UNC5D: variants seen among roughly 807,000 people sequenced by gnomAD.
UNC5D encodes netrin receptor UNC5D.
UNC5D carries 39 observed loss-of-function variants against 105.4 expected under a neutral mutation model. The observed-to-expected ratio is 0.37, with a 90% CI of 0.29 to 0.48. The LOEUF is 0.48. Ranked by LOEUF, UNC5D falls within the 20% of genes least tolerant of loss-of-function variation. The pLI, the probability that UNC5D is intolerant of heterozygous loss-of-function variation, is 0.98. For missense variants in UNC5D, 991 were observed against 1,202.4 expected (o/e 0.82, Z 2.60); for synonymous variants, 452 against 450.4 (o/e 1.00, Z -0.04).
chr8:35,753,786 C>A (rs1830394019), intron 13 of UNC5D, among the ~76,000 whole-genome samples: 1 of 152,174 alleles, frequency 6.6e-6, no homozygotes, highest in African/African-American at 2.4e-5. Flanking sequence ...GAAAGATCAT[C>A]AACCTTGCTT....
chr8:35,512,412 A>G (rs1812770743), intron 1 of UNC5D, among the ~76,000 whole-genome samples: 1 of 136,624 alleles, frequency 7.3e-6, no homozygotes, highest in Non-Finnish European at 1.5e-5. Context: ...GCTACTCAGG[A>G]GGCTGAGGCA....
intron 8 of UNC5D, among the ~76,000 whole-genome samples, chr8:35,718,912 C>T (rs1245112411): frequency 6.6e-6 from 1 of 152,016 alleles, no homozygotes; most frequent in African/African-American, 2.4e-5. Flanking sequence ...ATTACAATTG[C>T]ACTTGGGATG....
chr8:35,623,462 CCT>C (rs2131039301), intron 4 of UNC5D, among the ~76,000 whole-genome samples: 1 of 152,252 alleles, frequency 6.6e-6, no homozygotes, highest in African/African-American at 2.4e-5. Context: ...TTTCTCCCTT[CCT>C]CTCTTTTCAG....
At chr8:35,462,612 G>A (rs948383273) in intron 1 of UNC5D, among the ~76,000 whole-genome samples, 6 of 152,030 alleles carry the variant, frequency 3.9e-5, no homozygotes, top group Non-Finnish European at 8.8e-5. Context: ...ATAATATTAT[G>A]GGACTAATTT....
Position 35,323,188 on chromosome 8 carries a change from CTTTTT to C in UNC5D, c.103+87316_103+87320del, listed in dbSNP as rs67076001. 2.4e-5 allele frequency among the ~76,000 whole-genome samples: 3 copies of C among 125,944 alleles called. No individual in the cohort carries two copies. The East Asian group carries it at 7.0e-4, about 30-fold the overall frequency. 82.6% of individuals were successfully genotyped at this position (125,944 alleles called of 152,430 possible). A position where few individuals can be genotyped will look rare whatever the true frequency, so the allele number is the denominator to read the frequency against. ...CTGTTTTTTTCTAATTTTTCTTTTT[CTTTTT>C]TTTTTTTTTTTTTTCACATGAATGG... On this transcript the variant is annotated intron_variant, in intron 1 of 16. Coordinates refer to ENST00000404895, the MANE Select transcript of UNC5D (RefSeq NM_080872.4).
chr8:35,709,416 G>A (rs777456750), intron 8 of UNC5D, among the ~76,000 whole-genome samples: 5 of 152,160 alleles, frequency 3.3e-5, no homozygotes, highest in South Asian at 2.1e-4. Flanking sequence ...GTAGCTGGAC[G>A]TGGTGGCTGA....
intron 1 of UNC5D, among the ~76,000 whole-genome samples, chr8:35,300,136 A>C (rs1272834407): frequency 6.6e-6 from 1 of 151,988 alleles, no homozygotes; most frequent in East Asian, 1.9e-4. Flanking sequence ...CTTATGCCTT[A>C]GTTTAGCTTG....
At chr8:35,662,602 T>G (rs1328764437) in intron 4 of UNC5D, among the ~76,000 whole-genome samples, 1 of 152,112 alleles carries the variant, frequency 6.6e-6, no homozygotes, top group Non-Finnish European at 1.5e-5. Flanking sequence ...TAACACTAAG[T>G]CCTCCCTGCA....
rs76828999 is a variant in UNC5D at position 35,664,005 on chromosome 8, C to T, written c.571-19542C>T. The stretch of plus-strand genomic sequence containing the variant: ...ACTTTTGTATATTAAAAACTGGTTA[C>T]AGTCCTATCTTGCATCCAGAAAATC... On this transcript the variant is annotated intron_variant, in intron 4 of 16. Transcript: ENST00000404895. Among the ~76,000 whole-genome samples the T allele has an allele frequency of 1.1e-3, 173 of 152,306 alleles. 7 individuals are homozygous for T. The East Asian group carries it at 0.031, about 27-fold the overall frequency.
intron 1 of UNC5D, among the ~76,000 whole-genome samples, chr8:35,495,593 A>C (rs1456840040): frequency 6.6e-6 from 1 of 152,094 alleles, no homozygotes. Context: ...ATCAGCCTTA[A>C]AGCTAATTTC....
At position 35,731,083 on chromosome 8, in the gene UNC5D, C is replaced by A. The variant is rs1303203609; in HGVS notation, c.1753C>A (p.Gln585Lys). 6.2e-7 allele frequency: 1 copy of A among 1,613,780 alleles called. No homozygotes were observed. The highest frequency in any genetic ancestry group is 8.5e-7 in the Non-Finnish European group (1 of 1,179,840). Residue 585 changes from glutamine (Q) to lysine (K), a missense_variant, in exon 11 of 17, where the codon CAA (glutamine) becomes AAA (lysine). Transcript: ENST00000404895. ...NSWEIYMSINQGEPSLQSDGS... is the reference protein window; with the variant it reads ...NSWEIYMSINKGEPSLQSDGS... The stretch of plus-strand genomic sequence containing the variant: ...TTGGGAGATTTATATGTCCATCAAC[C>A]AAGGTGAACCCAGGTGAGAGACAGA...
intron 16 of UNC5D, among the ~76,000 whole-genome samples, chr8:35,789,895 AAC>A (rs56702865): frequency 0.023 from 3,298 of 142,174 alleles, 107 homozygotes; most frequent in Admixed American, 0.099. Context: ...TCAAGAAGAA[AAC>A]ACACACACAC....
intron 7 of UNC5D, among the ~76,000 whole-genome samples, chr8:35,692,386 T>C (rs1826467680): frequency 1.3e-5 from 2 of 152,236 alleles, no homozygotes; most frequent in Admixed American, 1.3e-4. Context: ...CTCATTGTTA[T>C]CCATTACAGT....
intron 1 of UNC5D, among the ~76,000 whole-genome samples, chr8:35,526,851 T>C (rs1156991349): frequency 6.6e-6 from 1 of 152,102 alleles, no homozygotes; most frequent in African/African-American, 2.4e-5. Flanking sequence ...TTGATATATC[T>C]GATCTTTGGG....
intron 2 of UNC5D, among the ~76,000 whole-genome samples, chr8:35,561,550 A>G (rs868087252): frequency 7.9e-5 from 12 of 152,312 alleles, no homozygotes; most frequent in African/African-American, 2.2e-4. Context: ...TTAAAATACT[A>G]TGGTGCCAAG....
chr8:35,767,910 G>A (rs1801843731), intron 15 of UNC5D, among the ~76,000 whole-genome samples: 1 of 152,190 alleles, frequency 6.6e-6, no homozygotes, highest in African/African-American at 2.4e-5. Context: ...GAGATTAGAA[G>A]AGGGATTGTG....
intron 1 of UNC5D, among the ~76,000 whole-genome samples, chr8:35,499,128 A>G (rs1017053767): frequency 2.0e-5 from 3 of 152,238 alleles, no homozygotes; most frequent in African/African-American, 7.2e-5. Flanking sequence ...GAATAGCTTC[A>G]ATAAATGAAA....
Position 35,442,643 on chromosome 8 carries a change from C to T in UNC5D, c.104-106649C>T, listed in dbSNP as rs116996827. Among the ~76,000 whole-genome samples, 6 of 151,832 alleles carry T rather than the reference C, an allele frequency of 4.0e-5. No homozygotes were observed. The East Asian group carries it at 1.2e-3, about 30-fold the overall frequency. On this transcript the variant is annotated intron_variant, in intron 1 of 16. Coordinates refer to ENST00000404895, the MANE Select transcript of UNC5D (RefSeq NM_080872.4). ...AGTTTGAATAATATTTCCAGCCAAT[C>T]CAAGGAATTCAAGCACAACAAAATT...
chr8:35,758,608 C>A (rs1364193918), intron 13 of UNC5D, among the ~76,000 whole-genome samples: 1 of 152,048 alleles, frequency 6.6e-6, no homozygotes, highest in East Asian at 1.9e-4. Flanking sequence ...AATTTGGAAC[C>A]AATGAAATGG....
Sources: gnomAD v4.1 joint callset for allele counts (sites outside exome capture counted in the v4.1 genomes callset) on GRCh38, gnomAD v4.1.1 for gene constraint, MANE v1.5 for transcripts, NCBI Gene and HGNC (gene_info 2026-07-23, HGNC 2026-07-21) for gene names.